MPP7: variants seen among roughly 807,000 people sequenced by gnomAD.
MPP7 encodes the protein MAGUK p55 subfamily member 7.
In MPP7, 60 loss-of-function variants were observed where a neutral mutation model predicts 76.5. That is an observed-to-expected ratio of 0.78 (90% CI 0.64 to 0.97). The LOEUF is 0.97. Ranked by LOEUF, MPP7 falls within the 50% of genes least tolerant of loss-of-function variation. The pLI is 0.00. For synonymous variants in MPP7, 237 were observed against 244.5 expected (o/e 0.97, Z 0.29); for missense variants, 641 against 694.0 (o/e 0.92, Z 0.86).
intron 2 of MPP7, among the ~76,000 whole-genome samples, chr10:28,227,881 T>C (rs954621956): frequency 2.0e-5 from 3 of 152,224 alleles, no homozygotes; most frequent in Admixed American, 2.0e-4. Context: ...TTCCAGATCT[T>C]TGAGAAATCG....
intron 2 of MPP7, among the ~76,000 whole-genome samples, chr10:28,205,497 G>T (rs1334053541): frequency 6.6e-6 from 1 of 152,110 alleles, no homozygotes; most frequent in East Asian, 1.9e-4. Flanking sequence ...GGCAAGAACT[G>T]AGACAATGAG....
intron 1 of MPP7, among the ~76,000 whole-genome samples, chr10:28,294,232 G>A (rs1261558894): frequency 3.3e-5 from 5 of 152,138 alleles, no homozygotes; most frequent in African/African-American, 4.8e-5. Flanking sequence ...GCGTGAAGCC[G>A]GGAGGTGGAA....
intron 3 of MPP7, among the ~76,000 whole-genome samples, chr10:28,195,723 T>C (rs1564693429): frequency 6.6e-6 from 1 of 151,984 alleles, no homozygotes; most frequent in Non-Finnish European, 1.5e-5. Flanking sequence ...TGTTTAGGGA[T>C]GGGATGGGAG....
At chr10:28,294,018 C>T (rs1381480717) in intron 1 of MPP7, among the ~76,000 whole-genome samples, 1 of 152,078 alleles carries the variant, frequency 6.6e-6, no homozygotes, top group African/African-American at 2.4e-5. Flanking sequence ...CAAAGAATTG[C>T]GTTCAAGGGC....
chr10:28,319,946 ACT>A (rs1219422060), intron 2 of MPP7, among the ~76,000 whole-genome samples: 1 of 137,594 alleles, frequency 7.3e-6, no homozygotes. Context: ...ACAGAGACAG[ACT>A]CTCTCTCAAA....
chr10:28,095,124 C>T (rs1175247763), intron 11 of MPP7, among the ~76,000 whole-genome samples: 1 of 150,084 alleles, frequency 6.7e-6, no homozygotes, highest in African/African-American at 2.4e-5. Flanking sequence ...TACTTACTCC[C>T]CTGATTCACA....
chr10:28,158,371 T>C (rs2985534), intron 3 of MPP7, among the ~76,000 whole-genome samples: 72,962 of 151,982 alleles, frequency 0.48, 20,439 homozygotes, highest in Middle Eastern at 0.72. Context: ...TATACATACA[T>C]ACATAGGACT....
chr10:28,240,938 G>A (rs903732412), intron 1 of MPP7, among the ~76,000 whole-genome samples: 9 of 152,062 alleles, frequency 5.9e-5, no homozygotes, highest in Non-Finnish European at 1.0e-4. Flanking sequence ...ATGTTTGTGA[G>A]TAGGTATTTA....
intron 3 of MPP7, among the ~76,000 whole-genome samples, chr10:28,178,532 A>C (rs1461791411): frequency 3.3e-5 from 5 of 151,872 alleles, no homozygotes; most frequent in Non-Finnish European, 5.9e-5. Flanking sequence ...CATTCTACTG[A>C]ATACTCATCA....
At chr10:28,133,031 T>C (rs1835244767) in intron 5 of MPP7, among the ~76,000 whole-genome samples, 1 of 152,248 alleles carries the variant, frequency 6.6e-6, no homozygotes, top group Non-Finnish European at 1.5e-5. Flanking sequence ...CTCATTCATT[T>C]ATCCATTGTC....
intron 3 of MPP7, among the ~76,000 whole-genome samples, chr10:28,178,665 A>G (rs546013892): frequency 1.1e-4 from 16 of 152,184 alleles, no homozygotes; most frequent in Admixed American, 9.8e-4. Context: ...TAATCTTTAC[A>G]ATGGGGTAAA....
chr10:28,288,020 C>A (rs559332743), intron 1 of MPP7, among the ~76,000 whole-genome samples: 18 of 152,202 alleles, frequency 1.2e-4, no homozygotes, highest in Admixed American at 5.9e-4. Flanking sequence ...TACAGATGTG[C>A]CTGAGGTTGG....
chr10:28,210,893 T>C (rs17831690), intron 2 of MPP7, among the ~76,000 whole-genome samples: 26,698 of 152,178 alleles, frequency 0.18, 2,977 homozygotes, highest in East Asian at 0.56. Flanking sequence ...ACTTATTTAT[T>C]TGATGGGATT....
chr10:28,223,168 T>G (rs1472616016), intron 2 of MPP7, among the ~76,000 whole-genome samples: 1 of 151,624 alleles, frequency 6.6e-6, no homozygotes, highest in Non-Finnish European at 1.5e-5. Context: ...ACTATTCAAA[T>G]GTATTAATAT....
intron 2 of MPP7, chr10:28,236,758 A>T (rs1839090062): frequency 6.6e-6 from 1 of 152,188 alleles, no homozygotes; most frequent in Non-Finnish European, 1.5e-5. Context: ...CTCCTGTGGC[A>T]CAAGGGTCTG....
chr10:28,214,880 C>G (rs1838257844), intron 2 of MPP7, among the ~76,000 whole-genome samples: 1 of 152,138 alleles, frequency 6.6e-6, no homozygotes, highest in Non-Finnish European at 1.5e-5. Flanking sequence ...CATGCAGCCT[C>G]TGGTTCCAAG....
At chr10:28,260,722 A>G (rs1210206129) in intron 1 of MPP7, among the ~76,000 whole-genome samples, 1 of 147,376 alleles carries the variant, frequency 6.8e-6, no homozygotes, top group African/African-American at 2.6e-5. Flanking sequence ...CAGTGAGCCA[A>G]GATTGTGCTG....
chr10:28,127,394 GAGTT>G (rs1286756016), intron 6 of MPP7, among the ~76,000 whole-genome samples: 2 of 152,206 alleles, frequency 1.3e-5, no homozygotes, highest in Non-Finnish European at 1.5e-5. Flanking sequence ...GTATGTTAGA[GAGTT>G]AGTCTGTTTT....
intron 1 of MPP7, among the ~76,000 whole-genome samples, chr10:28,261,777 T>C (rs771698613): frequency 2.0e-5 from 3 of 152,188 alleles, no homozygotes; most frequent in African/African-American, 7.2e-5. Flanking sequence ...CAGGTGCCAA[T>C]GGCTCATGTC....
Sources: allele counts gnomAD v4.1 joint callset (sites outside exome capture counted in the v4.1 genomes callset), GRCh38; gene constraint gnomAD v4.1.1; transcripts MANE v1.5; gene names NCBI Gene and HGNC (gene_info 2026-07-23, HGNC 2026-07-21).